Variants in GCNT1 observed in about 807,000 individuals in gnomAD.
GCNT1 encodes the protein glucosaminyl (N-acetyl) transferase 1, also known as beta-1,3-galactosyl-O-glycosyl-glycoprotein beta-1,6-N-acetylglucosaminyltransferase.
In GCNT1, 16 loss-of-function variants were observed where a neutral mutation model predicts 26.2. The observed-to-expected ratio is 0.61, with a 90% CI of 0.41 to 0.93. The LOEUF is 0.93. GCNT1 is among the 40% of genes least tolerant of loss of function. The pLI is 0.00. For missense variants in GCNT1, 477 were observed against 526.7 expected, an observed-to-expected ratio of 0.91 and a Z score of 0.92; for synonymous variants, 183 against 190.8, an observed-to-expected ratio of 0.96 and a Z score of 0.34.
chr9:76,480,228 A>G (rs919153595), intron 2 of GCNT1, among the ~76,000 whole-genome samples: 3 of 152,120 alleles, frequency 2.0e-5, no homozygotes, highest in Non-Finnish European at 4.4e-5. Context: ...CTGTTTTGGT[A>G]CCAGTACCAT....
At chr9:76,409,698 G>A in the GCNT1 span, among the ~76,000 whole-genome samples, 3 of 152,012 alleles carry the variant, frequency 2.0e-5, no homozygotes, top group Non-Finnish European at 4.4e-5. Flanking sequence ...CACCTGCCTC[G>A]ACCTCCCAAA....
chr9:76,467,259 G>A (rs897904565), intron 2 of GCNT1, among the ~76,000 whole-genome samples: 2 of 152,134 alleles, frequency 1.3e-5, no homozygotes. Context: ...AGCCAGGATG[G>A]TCTCAATCTC....
intron 1 of GCNT1, among the ~76,000 whole-genome samples, chr9:76,447,056 G>A (rs1374003221): frequency 6.7e-6 from 1 of 148,250 alleles, no homozygotes; most frequent in Non-Finnish European, 1.5e-5. Flanking sequence ...TTGGGAGGCT[G>A]AGGTAGGAGG....
chr9:76,504,809 T>C lies in GCNT1; in HGVS notation c.*1141T>C, dbSNP rs759193730. ...TTCCCGTTACCTGCCCCCTGGGTGG[T>C]AAGTTTCCTCCTTTCTCAACCTTCC... On this transcript the variant is annotated 3_prime_UTR_variant, in exon 4 of 4. Coordinates refer to ENST00000376730, the MANE Select transcript of GCNT1 (RefSeq NM_001490.5). 3.1e-5 allele frequency: 13 copies of C among 413,532 alleles called. No individual in the cohort carries two copies. The highest frequency in any genetic ancestry group is 6.2e-5 in the African/African-American group (3 of 48,752). The allele number at this position is 413,532 out of a possible 1,614,324, so 25.6% of individuals were successfully genotyped here. A position where few individuals can be genotyped will look rare whatever the true frequency, so the allele number is the denominator to read the frequency against.
chr9:76,483,117 A>T (rs2131618694), intron 2 of GCNT1, among the ~76,000 whole-genome samples: 1 of 152,244 alleles, frequency 6.6e-6, no homozygotes, highest in Non-Finnish European at 1.5e-5. Flanking sequence ...ATATAGTCCT[A>T]CCGAAACAGT....
chr9:76,469,495 C>T (rs1487932896), intron 2 of GCNT1, among the ~76,000 whole-genome samples: 1 of 152,222 alleles, frequency 6.6e-6, no homozygotes, highest in South Asian at 2.1e-4. Context: ...CGGCTACCCT[C>T]TTTGGGTCCC....
intron 2 of GCNT1, among the ~76,000 whole-genome samples, chr9:76,469,733 G>A (rs1204817210): frequency 6.6e-5 from 10 of 152,164 alleles, no homozygotes; most frequent in Admixed American, 2.0e-4. Context: ...CGGGCTAAAG[G>A]CTTGCCATTG....
chr9:76,455,877 A>G (rs983728647), upstream of GCNT1, among the ~76,000 whole-genome samples: 2 of 152,246 alleles, frequency 1.3e-5, no homozygotes, highest in Non-Finnish European at 2.9e-5. Context: ...TGCTGGGATT[A>G]CAGGCATAAG....
rs869195487 is a variant in GCNT1 at position 76,428,265 on chromosome 9, C to CAAAAAAAAAAA, written n.38+8392_38+8402dup. On this transcript the variant is annotated intron_variant and non_coding_transcript_variant, in intron 1 of 3. Transcript: ENST00000488136. ...TGGGTAAAAGAGCAAGACTCCGTCT[C>CAAAAAAAAAAA]AAAAAAAAAAAAAAAAAAAAAAAAC... 9.2e-3 allele frequency among the ~76,000 whole-genome samples: 273 copies of CAAAAAAAAAAA among 29,728 alleles called. 19 individuals carry two copies. The highest frequency in any genetic ancestry group is 0.011 in the African/African-American group (113 of 9,864). 19.5% of individuals were successfully genotyped at this position (29,728 alleles called of 152,430 possible). A position where few individuals can be genotyped will look rare whatever the true frequency, so the allele number is the denominator to read the frequency against.
chr9:76,501,401 T>A (rs1455025552), intron 3 of GCNT1, among the ~76,000 whole-genome samples: 1 of 152,230 alleles, frequency 6.6e-6, no homozygotes, highest in African/African-American at 2.4e-5. Context: ...TGAATATAGA[T>A]GAAGGTCTGT....
At chr9:76,421,518 T>G (rs1181644534) in intron 1 of GCNT1, among the ~76,000 whole-genome samples, 1 of 149,412 alleles carries the variant, frequency 6.7e-6, no homozygotes, top group Non-Finnish European at 1.5e-5. Context: ...GCACGATAAT[T>G]GCTTGAACCC....
At chr9:76,485,708 T>C (rs548392219) in intron 2 of GCNT1, among the ~76,000 whole-genome samples, 59 of 151,436 alleles carry the variant, frequency 3.9e-4, no homozygotes, top group Non-Finnish European at 6.0e-4. Flanking sequence ...TTATATTGGG[T>C]CCCTTGATTA....
intron 1 of GCNT1, among the ~76,000 whole-genome samples, chr9:76,424,318 C>T (rs1720579834): frequency 6.6e-6 from 1 of 152,130 alleles, no homozygotes; most frequent in Non-Finnish European, 1.5e-5. Flanking sequence ...CACATTTGAA[C>T]TAGGGGAAAA....
chr9:76,485,046 CA>C (rs1824534824), intron 2 of GCNT1, among the ~76,000 whole-genome samples: 1 of 152,220 alleles, frequency 6.6e-6, no homozygotes, highest in African/African-American at 2.4e-5. Flanking sequence ...CTTGGCCTCC[CA>C]AAGTGCTGGG....
upstream of GCNT1, chr9:76,419,822 A>C (rs951961468): frequency 1.4e-4 from 21 of 152,272 alleles, no homozygotes; most frequent in African/African-American, 5.1e-4. Flanking sequence ...TTGAGCAGCC[A>C]CCACACAGTT....
At chr9:76,475,024 G>A (rs1824221955) in intron 2 of GCNT1, among the ~76,000 whole-genome samples, 1 of 152,156 alleles carries the variant, frequency 6.6e-6, no homozygotes, top group African/African-American at 2.4e-5. Context: ...CGATTCTCCT[G>A]CCTCAGCCTC....
upstream of GCNT1, among the ~76,000 whole-genome samples, chr9:76,415,706 G>A (rs1213840755): frequency 6.6e-6 from 1 of 152,186 alleles, no homozygotes. Flanking sequence ...CAAAGCACAT[G>A]TGAAACAGAT....
chr9:76,468,865 T>C (rs558072265), intron 2 of GCNT1, among the ~76,000 whole-genome samples: 4 of 152,312 alleles, frequency 2.6e-5, no homozygotes, highest in Non-Finnish European at 5.9e-5. Flanking sequence ...GAAGTTTTCA[T>C]TGTAATGCGA....
At chr9:76,496,292 A>AG (rs1452934844) in intron 2 of GCNT1, among the ~76,000 whole-genome samples, 1 of 152,168 alleles carries the variant, frequency 6.6e-6, no homozygotes, top group Admixed American at 6.5e-5. Context: ...AAAACAAAAA[A>AG]CAAAGCAACA....
Sources: allele counts gnomAD v4.1 joint callset (sites outside exome capture counted in the v4.1 genomes callset), GRCh38; gene constraint gnomAD v4.1.1; transcripts MANE v1.5; gene names NCBI Gene and HGNC (gene_info 2026-07-23, HGNC 2026-07-21).